The following PSME3 variants were observed in gnomAD, a reference collection of about 807,000 sequenced individuals.
PSME3 encodes proteasome activator complex subunit 3.
Under a neutral mutation model 38.3 loss-of-function variants are expected in PSME3, and 7 were observed. The ratio of observed to expected loss-of-function variants is 0.18; its 90% CI spans 0.10 to 0.34. The LOEUF (loss-of-function observed/expected upper bound fraction) is 0.34. PSME3 is among the 10% of genes least tolerant of loss of function. The pLI, the probability that PSME3 is intolerant of heterozygous loss-of-function variation, is 1.00. For synonymous variants in PSME3, 108 were observed against 105.7 expected (o/e 1.02, Z -0.13); for missense variants, 192 against 307.6 (o/e 0.62, Z 2.81).
At chr17:42,833,996 C>T in intron 1 of PSME3, 2 of 1,437,434 alleles carry the variant, frequency 1.4e-6, no homozygotes, top group Non-Finnish European at 1.8e-6. Context: ...GGCGGCTGGC[C>T]TGCCTAGTAT....
intron 4 of PSME3, 117 bp from the exon 5 acceptor site, chr17:42,837,532 G>C: frequency 8.8e-7 from 1 of 1,133,876 alleles, no homozygotes. Context: ...AAATTGTGCA[G>C]AAATTAATAA....
chr17:42,833,909 T>C (rs1280530138), intron 1 of PSME3: 1 of 1,452,300 alleles, frequency 6.9e-7, no homozygotes, highest in Non-Finnish European at 9.0e-7. Flanking sequence ...GGACACGTGT[T>C]GGACTCAGGG....
chr17:42,834,060 A>T, intron 1 of PSME3: 1 of 1,442,804 alleles, frequency 6.9e-7, no homozygotes, highest in Non-Finnish European at 9.0e-7. Flanking sequence ...CATCTTCCCT[A>T]ACTACCTGTC....
rs2055536343 is a variant in PSME3, at chr17:42,841,721, C to G, written c.*143C>G. The G allele has an allele frequency of 9.1e-6, 5 of 550,358 alleles. No individual in the cohort carries two copies. The highest frequency in any genetic ancestry group is 1.6e-5 in the Non-Finnish European group (5 of 319,950). 34.1% of individuals were successfully genotyped at this position (550,358 alleles called of 1,614,324 possible). ...TTTTTAGTTAGAGTCTAATGAAACTCTCATCTAGTTCTGTGATGTGTTTAC... is the reference window on the plus strand; with the variant it reads ...TTTTTAGTTAGAGTCTAATGAAACTGTCATCTAGTTCTGTGATGTGTTTAC... On this transcript the variant is annotated 3_prime_UTR_variant, in exon 11 of 11. Transcript: ENST00000590720.
At chr17:42,833,818 G>T in intron 1 of PSME3, 145 bp downstream of exon 1, 1 of 1,566,208 alleles carries the variant, frequency 6.4e-7, no homozygotes, top group Non-Finnish European at 8.7e-7. Flanking sequence ...CAACTCCCGG[G>T]GTCGGCTTCG....
At chr17:42,841,132 C>CAAAAAAA (rs35142424) in intron 10 of PSME3, among the ~76,000 whole-genome samples, 1 of 63,788 alleles carries the variant, frequency 1.6e-5, no homozygotes. Context: ...GACCGTGTCT[C>CAAAAAAA]AAAAAAAAAA....
chr17:42,835,724 CAAAA>C (rs543220645), intron 4 of PSME3, among the ~76,000 whole-genome samples: 1 of 121,990 alleles, frequency 8.2e-6, no homozygotes. Context: ...GACTCTGTCT[CAAAA>C]AAAAAAAAAG....
At chr17:42,836,357 C>A (rs1381759990) in intron 4 of PSME3, among the ~76,000 whole-genome samples, 1 of 151,974 alleles carries the variant, frequency 6.6e-6, no homozygotes, top group Non-Finnish European at 1.5e-5. Flanking sequence ...TGATCCTGGT[C>A]CCTAGCAATT....
At chr17:42,841,022 A>G (rs894742548) in intron 10 of PSME3, among the ~76,000 whole-genome samples, 1 of 151,354 alleles carries the variant, frequency 6.6e-6, no homozygotes, top group Non-Finnish European at 1.5e-5. Context: ...AGTCCCAGCT[A>G]CTCAGGTGGC....
chr17:42,833,500 C>A lies in PSME3; in HGVS notation c.-132C>A. 9.1e-7 allele frequency: 1 copy of A among 1,104,040 alleles called. No homozygotes were observed. Among genetic ancestry groups the A allele is most frequent in the South Asian group, 1.4e-5 (1 of 72,258 alleles). 68.4% of individuals were successfully genotyped at this position (1,104,040 alleles called of 1,614,324 possible). On this transcript the variant is annotated 5_prime_UTR_variant, in exon 1 of 11. Coordinates refer to ENST00000590720, the MANE Select transcript of PSME3 (RefSeq NM_005789.4). ...GGACGGCACAGAGGGAGGGAGCGAG[C>A]GAGCAGTGAGTAAGCCAGCAAGGGC... is the stretch of plus-strand genomic sequence containing the variant.
At position 42,842,680 on chromosome 17, in the gene PSME3, GC is replaced by G. The variant is rs1477921326; in HGVS notation, c.*1103del. ...TATGTGTATGTGCATGCACACACGT[GC>G]ATATACACATTTGTGTATGTGGAAA... On this transcript the variant is annotated 3_prime_UTR_variant, in exon 11 of 11. Transcript: ENST00000590720. 6.5e-6 allele frequency: 1 copy of G among 152,802 alleles called. No homozygotes were observed. Among genetic ancestry groups the G allele is most frequent in the Admixed American group, 6.5e-5 (1 of 15,284 alleles). 9.5% of individuals were successfully genotyped at this position (152,802 alleles called of 1,614,324 possible).
Position 42,833,448 on chromosome 17 carries a change from CAGGCAGCAGGCTGCCGGCGG to C in PSME3, c.-183_-164del. ...CCGGGAGGGCGAGCGAGAGAGCAAG[CAGGCAGCAGGCTGCCGGCGG>C]GCGGGCGGACGGCACAGAGGGAGGG... On this transcript the variant is annotated 5_prime_UTR_variant, in exon 1 of 11. Coordinates refer to ENST00000590720, the MANE Select transcript of PSME3 (RefSeq NM_005789.4). The C allele has an allele frequency of 1.5e-6, 1 of 662,208 alleles. No homozygotes were observed. The highest frequency in any genetic ancestry group is 2.6e-6 in the Non-Finnish European group (1 of 387,168). 41.0% of individuals were successfully genotyped at this position (662,208 alleles called of 1,614,324 possible).
Position 42,843,528 on chromosome 17 carries a change from C to T in PSME3, c.*1950C>T, listed in dbSNP as rs1205125282. ...TCAGAAGATCCTAGTTCCTTCCTTCCCGAGTGATACCCATGAACTGCCAGT... is the reference window on the plus strand; with the variant it reads ...TCAGAAGATCCTAGTTCCTTCCTTCTCGAGTGATACCCATGAACTGCCAGT... On this transcript the variant is annotated 3_prime_UTR_variant, in exon 11 of 11. Transcript: ENST00000590720. 1 of 152,336 alleles carries T rather than the reference C, an allele frequency of 6.6e-6. No homozygotes were observed. Among genetic ancestry groups the T allele is most frequent in the Non-Finnish European group, 1.5e-5 (1 of 68,040 alleles). The allele number at this position is 152,336 out of a possible 1,614,324, so 9.4% of individuals were successfully genotyped here.
At chr17:42,833,939 G>C (rs2055430307) in intron 1 of PSME3, 1 of 1,440,042 alleles carries the variant, frequency 6.9e-7, no homozygotes, top group African/African-American at 1.4e-5. Flanking sequence ...CGTGACAGCT[G>C]GTAATCCCCC....
At chr17:42,836,534 T>C (rs1195525441) in intron 4 of PSME3, among the ~76,000 whole-genome samples, 1 of 152,212 alleles carries the variant, frequency 6.6e-6, no homozygotes, top group East Asian at 1.9e-4. Context: ...AACTAGAGCG[T>C]AATTTGCTTT....
chr17:42,839,117 A>C lies in PSME3; in HGVS notation c.548A>C (p.Tyr183Ser), dbSNP rs2055499222. 6.3e-7 allele frequency: 1 copy of C among 1,590,882 alleles called. No individual in the cohort carries two copies. The highest frequency in any genetic ancestry group is 8.6e-7 in the Non-Finnish European group (1 of 1,158,982). ...ASYLDQISRY[Y>S]ITRAKLVSKI... The stretch of plus-strand genomic sequence containing the variant: ...CCTCTTCTCTCTCTTTCCAGATATT[A>C]TATTACAAGAGCCAAATTGGTTTCT... The change falls in exon 9 of 11, where the codon TAT becomes TCT. Residue 183 changes from tyrosine (Y) to serine (S), a missense_variant. Physicochemically the swap from Tyr to Ser is moderately radical, Grantham distance 144. Around this residue, in one of 2 missense-constraint regions of PSME3, gnomAD observed 82 missense variants for 168.2 expected, o/e 0.49. Transcript: ENST00000590720.
rs1431172587 is a variant in PSME3, at chr17:42,834,234, C to G, written c.43-110C>G. The G allele has an allele frequency of 2.5e-6, 4 of 1,588,428 alleles. No individual in the cohort carries two copies. In the African/African-American group the frequency reaches 5.4e-5, roughly 22 times the overall value. On this transcript the variant is annotated intron_variant, in intron 1 of 10. Coordinates refer to ENST00000590720, the MANE Select transcript of PSME3 (RefSeq NM_005789.4). Reference sequence around the variant, plus strand: ...AAGTATTTGCAGTCTGGGGGCCTCTCAGCTTCTTATTACAGTTACAAGGTG... The same window carrying G: ...AAGTATTTGCAGTCTGGGGGCCTCTGAGCTTCTTATTACAGTTACAAGGTG...
intron 1 of PSME3, 164 bp downstream of exon 1, chr17:42,833,837 G>A: frequency 6.5e-7 from 1 of 1,534,592 alleles, no homozygotes; most frequent in South Asian, 1.2e-5. Context: ...CGCGGGAGAG[G>A]AAAATATAGG....
intron 10 of PSME3, 103 bp from the exon 11 acceptor site, chr17:42,841,395 C>G (rs550802081): frequency 1.7e-5 from 10 of 587,194 alleles, no homozygotes; most frequent in Non-Finnish European, 2.5e-5. Flanking sequence ...AAGGACTTAC[C>G]GTATGCAGAT....
Sources: gnomAD v4.1 joint callset for allele counts (sites outside exome capture counted in the v4.1 genomes callset) on GRCh38, gnomAD v4.1.1 for gene constraint, gnomAD v4.1.1 regional missense constraint, MANE v1.5 for transcripts, NCBI Gene and HGNC (gene_info 2026-07-23, HGNC 2026-07-21) for gene names.